ESRRG: variants seen among roughly 807,000 people sequenced by gnomAD.
The protein encoded by ESRRG is estrogen-related receptor gamma.
ESRRG carries 13 observed loss-of-function variants against 44.0 expected under a neutral mutation model. The ratio of observed to expected loss-of-function variants is 0.30; its 90% CI spans 0.19 to 0.47. The LOEUF (loss-of-function observed/expected upper bound fraction) is 0.47. Ranked by LOEUF, ESRRG falls within the 20% of genes least tolerant of loss-of-function variation. ESRRG has a pLI of 1.00. For missense variants in ESRRG, 395 were observed against 580.6 expected (o/e 0.68, Z 3.29); for synonymous variants, 215 against 214.6 (o/e 1.00, Z -0.02).
chr1:216,630,374 A>T (rs11572723), intron 3 of ESRRG, among the ~76,000 whole-genome samples: 25,404 of 151,856 alleles, frequency 0.17, 2,373 homozygotes, highest in Middle Eastern at 0.26. Context: ...CTACCTGCTC[A>T]TCAAACTCCA....
intron 1 of ESRRG, among the ~76,000 whole-genome samples, chr1:217,102,057 C>A (rs1177876684): frequency 6.6e-6 from 1 of 152,310 alleles, no homozygotes; most frequent in East Asian, 1.9e-4. Context: ...CCCCCCGCTT[C>A]GGCCTCCCAA....
At chr1:217,020,289 G>T (rs920638384) in intron 1 of ESRRG, among the ~76,000 whole-genome samples, 2 of 152,110 alleles carry the variant, frequency 1.3e-5, no homozygotes, top group South Asian at 2.1e-4. Context: ...TGACAAATTT[G>T]CAGAACTTCT....
At chr1:217,110,693 A>C (rs929441214) in intron 1 of ESRRG, among the ~76,000 whole-genome samples, 2 of 152,110 alleles carry the variant, frequency 1.3e-5, no homozygotes, top group African/African-American at 4.8e-5. Flanking sequence ...ACGAGAACTC[A>C]CTCACTATCA....
chr1:216,591,330 C>T (rs557044088), intron 3 of ESRRG, among the ~76,000 whole-genome samples: 3 of 152,312 alleles, frequency 2.0e-5, no homozygotes, highest in Non-Finnish European at 4.4e-5. Flanking sequence ...AACACATCAA[C>T]ATGCTGGAAG....
chr1:216,589,950 G>T (rs1025176626), intron 3 of ESRRG, among the ~76,000 whole-genome samples: 3 of 114,312 alleles, frequency 2.6e-5, no homozygotes, highest in Non-Finnish European at 3.6e-5. Flanking sequence ...TAGAAATTTA[G>T]CCCACAAAAT....
chr1:216,903,041 G>A (rs200355500), intron 2 of ESRRG, among the ~76,000 whole-genome samples: 4 of 152,264 alleles, frequency 2.6e-5, no homozygotes, highest in East Asian at 1.9e-4. Flanking sequence ...AATTTTAAGG[G>A]AACACCTGTG....
At chr1:217,005,800 A>T (rs772172497) in intron 1 of ESRRG, among the ~76,000 whole-genome samples, 14 of 152,236 alleles carry the variant, frequency 9.2e-5, no homozygotes, top group Non-Finnish European at 1.6e-4. Flanking sequence ...TTTTCTAAGC[A>T]TTTTAAAGTC....
At chr1:216,985,548 T>C (rs1205162915) in intron 1 of ESRRG, among the ~76,000 whole-genome samples, 1 of 152,206 alleles carries the variant, frequency 6.6e-6, no homozygotes, top group Non-Finnish European at 1.5e-5. Context: ...ATGATTTTTA[T>C]TTTCAGTTAG....
At chr1:216,511,377 T>C (rs1436718080) in intron 6 of ESRRG, among the ~76,000 whole-genome samples, 1 of 152,082 alleles carries the variant, frequency 6.6e-6, no homozygotes, top group Non-Finnish European at 1.5e-5. Flanking sequence ...CCATGTCAAA[T>C]GGACTTTAAG....
chr1:216,704,467 A>G (rs1452893277), intron 1 of ESRRG, among the ~76,000 whole-genome samples: 2 of 152,214 alleles, frequency 1.3e-5, no homozygotes, highest in Non-Finnish European at 2.9e-5. Context: ...CAGTGAGCCA[A>G]GATCATGCCA....
chr1:216,508,884 G>C (rs1316222519), intron 6 of ESRRG, among the ~76,000 whole-genome samples: 5 of 152,164 alleles, frequency 3.3e-5, no homozygotes, highest in African/African-American at 1.2e-4. Context: ...GAACAGAGAT[G>C]AGTTGGATTT....
chr1:216,768,505 T>A lies in ESRRG; in HGVS notation c.-13-91014A>T, dbSNP rs925179904. Among the ~76,000 whole-genome samples the A allele has an allele frequency of 1.4e-4, 21 of 152,056 alleles. No homozygotes were observed. The East Asian group carries it at 4.1e-3, about 29-fold the overall frequency. On this transcript the variant is annotated intron_variant, in intron 2 of 7. Transcript: ENST00000359162. ...ATCTATCTATCTATCTATCTATATTTTAGAGGCAGGATCTTACTTTGTCAC... is the reference window on the plus strand; with the variant it reads ...ATCTATCTATCTATCTATCTATATTATAGAGGCAGGATCTTACTTTGTCAC...
intron 1 of ESRRG, among the ~76,000 whole-genome samples, chr1:216,710,519 T>A (rs1417611032): frequency 6.6e-6 from 1 of 152,206 alleles, no homozygotes; most frequent in Admixed American, 6.5e-5. Flanking sequence ...GCTTTTTATG[T>A]CTTTTGGTAA....
At chr1:216,626,705 G>C (rs1398422843) in intron 3 of ESRRG, among the ~76,000 whole-genome samples, 3 of 152,144 alleles carry the variant, frequency 2.0e-5, no homozygotes, top group Non-Finnish European at 4.4e-5. Flanking sequence ...TTTCAAGGCA[G>C]GACTAATATT....
At chr1:216,647,058 A>G (rs1486613237) in intron 3 of ESRRG, among the ~76,000 whole-genome samples, 4 of 152,160 alleles carry the variant, frequency 2.6e-5, no homozygotes, top group African/African-American at 7.2e-5. Context: ...ACTGACAGTG[A>G]GCAAACTGAG....
intron 2 of ESRRG, among the ~76,000 whole-genome samples, chr1:216,925,981 A>T (rs150006131): frequency 1.8e-4 from 28 of 152,294 alleles, no homozygotes; most frequent in Non-Finnish European, 3.1e-4. Flanking sequence ...TGCTCTTCAC[A>T]GTTCATGATC....
At chr1:216,675,796 G>A (rs1406608790) in intron 2 of ESRRG, among the ~76,000 whole-genome samples, 1 of 152,210 alleles carries the variant, frequency 6.6e-6, no homozygotes, top group Non-Finnish European at 1.5e-5. Flanking sequence ...TTTGAGAACT[G>A]TTGGCAAATA....
At chr1:216,770,470 A>G (rs1017896381) in intron 2 of ESRRG, among the ~76,000 whole-genome samples, 1 of 152,102 alleles carries the variant, frequency 6.6e-6, no homozygotes, top group Non-Finnish European at 1.5e-5. Context: ...TAGCATTGGG[A>G]GATAGATCAG....
At position 216,976,286 on chromosome 1, in the gene ESRRG, A is replaced by ATGTG. The variant is rs61142800; in HGVS notation, c.-105-36617_-105-36614dup. On this transcript the variant is annotated intron_variant, in intron 1 of 7. Coordinates refer to the ESRRG transcript ENST00000359162. ...ACTTCAAAGTAGAAAATGCTCCTAA[A>ATGTG]TGTGTGTGTGTGTGTGTGTGTGTGT... Among the ~76,000 whole-genome samples the ATGTG allele has an allele frequency of 5.7e-3, 834 of 146,966 alleles. 8 individuals are homozygous for ATGTG. Among genetic ancestry groups the ATGTG allele is most frequent in the East Asian group, 0.028 (139 of 4,948 alleles).
Sources: gnomAD v4.1 joint callset for allele counts (sites outside exome capture counted in the v4.1 genomes callset) on GRCh38, gnomAD v4.1.1 for gene constraint, MANE v1.5 for transcripts, NCBI Gene and HGNC (gene_info 2026-07-23, HGNC 2026-07-21) for gene names.